The following PAM variants were observed in gnomAD, a reference collection of about 807,000 sequenced individuals.
PAM encodes the protein peptidylglycine alpha-amidating monooxygenase, also known as peptidyl-glycine alpha-amidating monooxygenase.
In PAM, 72 loss-of-function variants were observed where a neutral mutation model predicts 122.1. The ratio of observed to expected loss-of-function variants is 0.59; its 90% CI spans 0.49 to 0.72. PAM has a LOEUF of 0.72. PAM is among the 30% of genes least tolerant of loss of function. The pLI, the probability that PAM is intolerant of heterozygous loss-of-function variation, is 0.00. For missense variants in PAM, 1,106 were observed against 1,183.7 expected, an observed-to-expected ratio of 0.93 and a Z score of 0.96; for synonymous variants, 389 against 404.4, an observed-to-expected ratio of 0.96 and a Z score of 0.46.
At chr5:102,904,198 C>A (rs1798856512) in intron 4 of PAM, among the ~76,000 whole-genome samples, 1 of 151,410 alleles carries the variant, frequency 6.6e-6, no homozygotes, top group South Asian at 2.1e-4. Context: ...GATGCCTTAT[C>A]CTGAGATTAG....
intron 1 of PAM, among the ~76,000 whole-genome samples, chr5:102,827,490 A>G (rs1378420266): frequency 6.6e-5 from 10 of 152,118 alleles, no homozygotes; most frequent in Non-Finnish European, 4.4e-5. Context: ...TCTGTTTTTA[A>G]TTTTATCCTC....
intron 15 of PAM, among the ~76,000 whole-genome samples, chr5:102,987,776 C>A (rs779371969): frequency 6.6e-6 from 1 of 152,158 alleles, no homozygotes; most frequent in African/African-American, 2.4e-5. Context: ...TTCATCTGAG[C>A]AGCTCCATTC....
At chr5:102,829,512 C>T (rs1227664760) in intron 1 of PAM, among the ~76,000 whole-genome samples, 1 of 152,056 alleles carries the variant, frequency 6.6e-6, no homozygotes, top group Non-Finnish European at 1.5e-5. Flanking sequence ...GCTGGGACTA[C>T]AGGTGCCCAC....
intron 3 of PAM, among the ~76,000 whole-genome samples, chr5:102,874,585 T>G (rs112855028): frequency 1.2e-4 from 19 of 152,260 alleles, no homozygotes; most frequent in African/African-American, 4.6e-4. Context: ...TTTTTATTTC[T>G]TATAAAAAAT....
intron 5 of PAM, among the ~76,000 whole-genome samples, chr5:102,914,953 C>G (rs916346952): frequency 6.6e-6 from 1 of 152,066 alleles, no homozygotes; most frequent in Admixed American, 6.6e-5. Context: ...AGAGCTGTAG[C>G]AGATGCTTGG....
intron 1 of PAM, chr5:102,864,393 A>G (rs1207756068): frequency 6.6e-6 from 1 of 152,126 alleles, no homozygotes; most frequent in African/African-American, 2.4e-5. Flanking sequence ...GAGAAAGTTC[A>G]AACAAATATT....
At chr5:102,963,539 A>G (rs1326731288) in intron 14 of PAM, among the ~76,000 whole-genome samples, 1 of 151,960 alleles carries the variant, frequency 6.6e-6, no homozygotes. Context: ...TTTACATTGT[A>G]CAATTATTTT....
At chr5:103,027,491 A>G (rs941487433) in intron 24 of PAM, among the ~76,000 whole-genome samples, 2 of 152,190 alleles carry the variant, frequency 1.3e-5, no homozygotes, top group African/African-American at 4.8e-5. Context: ...AGACACAGCA[A>G]GGGAAAAAAT....
intron 5 of PAM, among the ~76,000 whole-genome samples, chr5:102,915,194 A>G (rs981824521): frequency 6.6e-6 from 1 of 152,086 alleles, no homozygotes; most frequent in African/African-American, 2.4e-5. Context: ...ATCTGTTTTG[A>G]GGTCCTGTCC....
intron 1 of PAM, among the ~76,000 whole-genome samples, chr5:102,796,090 G>A (rs1763306040): frequency 6.6e-6 from 1 of 152,106 alleles, no homozygotes; most frequent in South Asian, 2.1e-4. Context: ...TTTTGGATCT[G>A]GGCCCTTGGA....
intron 4 of PAM, among the ~76,000 whole-genome samples, chr5:102,908,372 G>T (rs1238925765): frequency 3.9e-5 from 6 of 151,998 alleles, no homozygotes; most frequent in Non-Finnish European, 7.4e-5. Flanking sequence ...TTTGGTTGCT[G>T]TAGCCTTGTA....
intron 15 of PAM, among the ~76,000 whole-genome samples, chr5:102,981,186 A>C (rs1302866026): frequency 1.3e-5 from 2 of 152,242 alleles, no homozygotes; most frequent in Non-Finnish European, 2.9e-5. Context: ...GATCATTCAT[A>C]GCCAGATTAA....
chr5:102,781,460 T>C (rs765209987), intron 1 of PAM, among the ~76,000 whole-genome samples: 2 of 152,204 alleles, frequency 1.3e-5, no homozygotes, highest in Non-Finnish European at 2.9e-5. Context: ...AGAAATTCAG[T>C]GGGTACCTTC....
rs549130006 is a variant in PAM at position 102,965,741 on chromosome 5, T to A, written c.1162+4512T>A. Among the ~76,000 whole-genome samples, 13 of 152,090 alleles carry A rather than the reference T, an allele frequency of 8.5e-5. No individual in the cohort carries two copies. The South Asian group carries it at 2.1e-3, about 24-fold the overall frequency. ...CAGAGAGAATATGACAAAAATATAA[T>A]TTATTGAGGGAAAATACCCCATGAC... On this transcript the variant is annotated intron_variant, in intron 14 of 25. Transcript: ENST00000438793.
Position 102,992,683 on chromosome 5 carries a change from G to A in PAM, c.1613+2282G>A, listed in dbSNP as rs532669597. 9.6e-4 allele frequency among the ~76,000 whole-genome samples: 146 copies of A among 152,156 alleles called. 1 individual carries two copies. Among genetic ancestry groups the A allele is most frequent in the African/African-American group, 3.2e-3 (133 of 41,548 alleles). On this transcript the variant is annotated intron_variant, in intron 16 of 25. Coordinates refer to ENST00000438793, the MANE Select transcript of PAM (RefSeq NM_001177306.2). ...AGTACCTTCCTGTGGAATTTATGAT[G>A]TACAGGTGAGGGACAATACAAATTA...
intron 3 of PAM, among the ~76,000 whole-genome samples, chr5:102,877,461 C>T (rs921470507): frequency 6.6e-6 from 1 of 152,170 alleles, no homozygotes; most frequent in Admixed American, 6.5e-5. Context: ...CTACATTTCT[C>T]TCTTGCTTTA....
At chr5:102,883,837 T>C (rs897219461) in intron 3 of PAM, among the ~76,000 whole-genome samples, 10 of 152,046 alleles carry the variant, frequency 6.6e-5, no homozygotes, top group African/African-American at 2.2e-4. Context: ...CAGTATAATG[T>C]TGGCTGTTGG....
At chr5:102,829,693 G>T (rs1339490258) in intron 1 of PAM, among the ~76,000 whole-genome samples, 1 of 151,984 alleles carries the variant, frequency 6.6e-6, no homozygotes, top group African/African-American at 2.4e-5. Flanking sequence ...AGTTTTTTGT[G>T]GTTAGAAAAT....
intron 1 of PAM, among the ~76,000 whole-genome samples, chr5:102,789,491 A>T (rs1761481941): frequency 6.6e-6 from 1 of 152,140 alleles, no homozygotes. Context: ...GTGCTACAAC[A>T]TGGCTGATCC....
Sources: allele counts gnomAD v4.1 joint callset (sites outside exome capture counted in the v4.1 genomes callset), GRCh38; gene constraint gnomAD v4.1.1; transcripts MANE v1.5; gene names NCBI Gene and HGNC (gene_info 2026-07-23, HGNC 2026-07-21).